Variants in CABLES1 observed in about 807,000 individuals in gnomAD.
CABLES1 encodes the protein CDK5 and ABL1 enzyme substrate 1.
Under a neutral mutation model 57.8 loss-of-function variants are expected in CABLES1, and 36 were observed. The observed-to-expected ratio is 0.62, with a 90% CI of 0.48 to 0.82. The LOEUF is 0.82. Ranked by LOEUF, CABLES1 falls within the 40% of genes least tolerant of loss-of-function variation. The pLI is 0.00. For synonymous variants in CABLES1, 374 were observed against 363.0 expected, an observed-to-expected ratio of 1.03 and a Z score of -0.35; for missense variants, 767 against 836.6, an observed-to-expected ratio of 0.92 and a Z score of 1.03.
At chr18:23,168,110 A>G (rs897382897) in intron 1 of CABLES1, among the ~76,000 whole-genome samples, 2 of 152,212 alleles carry the variant, frequency 1.3e-5, no homozygotes, top group Non-Finnish European at 2.9e-5. Flanking sequence ...TGGGGTGGAC[A>G]CTAGTTTGCC....
At chr18:23,174,997 G>A (rs930281639) in intron 1 of CABLES1, among the ~76,000 whole-genome samples, 2 of 151,580 alleles carry the variant, frequency 1.3e-5, no homozygotes, top group African/African-American at 2.4e-5. Flanking sequence ...TTGCAGTTAC[G>A]CTTCACCTGC....
intron 7 of CABLES1, among the ~76,000 whole-genome samples, chr18:23,238,698 T>C (rs1568082388): frequency 6.6e-6 from 1 of 152,224 alleles, no homozygotes. Context: ...GCCTTACTTA[T>C]TAAAATTCAC....
At chr18:23,174,650 T>G (rs2047108246) in intron 1 of CABLES1, among the ~76,000 whole-genome samples, 1 of 151,664 alleles carries the variant, frequency 6.6e-6, no homozygotes, top group African/African-American at 2.4e-5. Flanking sequence ...TTTTTTGCAT[T>G]TTTAGTAGAG....
chr18:23,234,363 G>A (rs1193287346), intron 4 of CABLES1, among the ~76,000 whole-genome samples: 1 of 152,206 alleles, frequency 6.6e-6, no homozygotes, highest in African/African-American at 2.4e-5. Context: ...GAAGAGGGAG[G>A]GATGTCTGTA....
chr18:23,251,145 T>A (rs1345657462), intron 7 of CABLES1, among the ~76,000 whole-genome samples: 1 of 152,190 alleles, frequency 6.6e-6, no homozygotes, highest in Non-Finnish European at 1.5e-5. Flanking sequence ...TTCCTGAGCT[T>A]TGACTGATTA....
intron 1 of CABLES1, among the ~76,000 whole-genome samples, chr18:23,144,112 A>C (rs2046876017): frequency 6.6e-6 from 1 of 152,144 alleles, no homozygotes; most frequent in South Asian, 2.1e-4. Context: ...TCAGCCACAG[A>C]GCCAGCCGCT....
chr18:23,195,811 A>T (rs1477794057), intron 3 of CABLES1, among the ~76,000 whole-genome samples: 12 of 152,046 alleles, frequency 7.9e-5, no homozygotes, highest in Admixed American at 4.6e-4. Flanking sequence ...TTATTTAACC[A>T]TTGCTATTGT....
At chr18:23,142,682 A>C (rs2046865117) in intron 1 of CABLES1, among the ~76,000 whole-genome samples, 1 of 152,194 alleles carries the variant, frequency 6.6e-6, no homozygotes, top group Non-Finnish European at 1.5e-5. Flanking sequence ...CCGCTGTCCT[A>C]CTCATGGGAG....
At position 23,238,445 on chromosome 18, in the gene CABLES1, A is replaced by G. The variant is rs533070336; in HGVS notation, c.1446+1200A>G. Among the ~76,000 whole-genome samples, 24 of 152,226 alleles carry G rather than the reference A, an allele frequency of 1.6e-4. 1 individual carries two copies. The South Asian group carries it at 4.1e-3, about 26-fold the overall frequency. On this transcript the variant is annotated intron_variant, in intron 7 of 9. Coordinates refer to ENST00000256925, the MANE Select transcript of CABLES1 (RefSeq NM_001100619.3). ...TTCAAGTCAAAGGCATTTAGTTTGAAATTGCCGCTTCTCCTCACTCTCCCT... is the reference window on the plus strand; with the variant it reads ...TTCAAGTCAAAGGCATTTAGTTTGAGATTGCCGCTTCTCCTCACTCTCCCT...
intron 1 of CABLES1, among the ~76,000 whole-genome samples, chr18:23,178,374 G>T: frequency 6.6e-6 from 1 of 150,910 alleles, no homozygotes; most frequent in East Asian, 1.9e-4. Flanking sequence ...GCGACCCTGG[G>T]CTGGCCGCCT....
intron 7 of CABLES1, among the ~76,000 whole-genome samples, chr18:23,242,435 C>CG (rs2047759477): frequency 6.6e-6 from 1 of 152,148 alleles, no homozygotes; most frequent in African/African-American, 2.4e-5. Flanking sequence ...CAGGGGAGGG[C>CG]GGATGCTTCC....
rs191870033 is a variant in CABLES1 at position 23,240,803 on chromosome 18, T to C, written c.1446+3558T>C. On this transcript the variant is annotated intron_variant, in intron 7 of 9. Transcript: ENST00000256925. ...GACTGTCCTCCCCTGTTTTGGGATG[T>C]CCTGTTCCTGTGGAAATCAGACTCT... Among the ~76,000 whole-genome samples the C allele has an allele frequency of 3.8e-4, 58 of 152,362 alleles. No homozygotes were observed. The East Asian group carries it at 0.01, about 27-fold the overall frequency.
At chr18:23,235,295 C>T (rs996687542) in intron 5 of CABLES1, among the ~76,000 whole-genome samples, 3 of 152,194 alleles carry the variant, frequency 2.0e-5, no homozygotes, top group African/African-American at 4.8e-5. Flanking sequence ...GAATCTGTCC[C>T]GGGGTAGTTT....
intron 3 of CABLES1, among the ~76,000 whole-genome samples, chr18:23,210,014 A>G (rs371890496): frequency 4.6e-4 from 70 of 152,318 alleles, no homozygotes; most frequent in African/African-American, 1.6e-3. Flanking sequence ...GAGCATGACA[A>G]TGAGGCTGTG....
At chr18:23,246,177 T>A (rs2047874250) in intron 7 of CABLES1, among the ~76,000 whole-genome samples, 1 of 151,188 alleles carries the variant, frequency 6.6e-6, no homozygotes, top group Non-Finnish European at 1.5e-5. Flanking sequence ...GGCAAAAGAA[T>A]CGCTTGAACC....
intron 1 of CABLES1, among the ~76,000 whole-genome samples, chr18:23,178,490 C>A (rs2047141117): frequency 6.6e-6 from 1 of 152,180 alleles, no homozygotes; most frequent in African/African-American, 2.4e-5. Context: ...TCATGGCGGC[C>A]AGGTGTGCTG....
intron 3 of CABLES1, among the ~76,000 whole-genome samples, chr18:23,210,109 A>G (rs1397857335): frequency 1.3e-5 from 2 of 152,180 alleles, no homozygotes; most frequent in Non-Finnish European, 2.9e-5. Context: ...TGTGTACCCA[A>G]GATGCTTTGT....
chr18:23,236,215 C>T (rs775937468), intron 6 of CABLES1, among the ~76,000 whole-genome samples, 164 bp downstream of exon 6: 3 of 152,158 alleles, frequency 2.0e-5, no homozygotes, highest in Non-Finnish European at 4.4e-5. Flanking sequence ...CGCAATGAAG[C>T]CGCAGGTGAT....
At position 23,147,299 on chromosome 18, in the gene CABLES1, C is replaced by T. The variant is rs921670783; in HGVS notation, c.845+10692C>T. ...CCAGCTTTGGAGCTCCATAGCTCTG[C>T]CGCTTAACGGCACCTTTTGGACAAC... is the stretch of plus-strand genomic sequence containing the variant. On this transcript the variant is annotated intron_variant, in intron 1 of 9. Transcript: ENST00000256925. Among the ~76,000 whole-genome samples the T allele has an allele frequency of 7.2e-5, 11 of 152,254 alleles. No individual in the cohort carries two copies. In the East Asian group the frequency reaches 7.7e-4, roughly 11 times the overall value.
Sources: allele counts gnomAD v4.1 joint callset (sites outside exome capture counted in the v4.1 genomes callset), GRCh38; gene constraint gnomAD v4.1.1; transcripts MANE v1.5; gene names NCBI Gene and HGNC (gene_info 2026-07-23, HGNC 2026-07-21).